The following ZFAT variants were observed in gnomAD, a reference collection of about 807,000 sequenced individuals.
The protein encoded by ZFAT is zinc finger protein ZFAT.
A neutral mutation model predicts 117.7 loss-of-function variants in ZFAT; 64 were observed. That is an observed-to-expected ratio of 0.54 (90% CI 0.44 to 0.67). ZFAT has a LOEUF of 0.67. ZFAT is among the 30% of genes least tolerant of loss of function. ZFAT has a pLI of 0.00. For missense variants in ZFAT, 1,433 were observed against 1,584.5 expected (o/e 0.90, Z 1.62); for synonymous variants, 679 against 615.0 (o/e 1.10, Z -1.54).
the ZFAT span, among the ~76,000 whole-genome samples, chr8:134,769,472 C>G: frequency 1.3e-5 from 2 of 152,338 alleles, no homozygotes; most frequent in East Asian, 3.9e-4. Context: ...AGGTGGGTTT[C>G]CATGGTCTTG....
intron 11 of ZFAT, among the ~76,000 whole-genome samples, chr8:134,546,386 G>A (rs1202813390): frequency 1.3e-5 from 2 of 152,082 alleles, no homozygotes; most frequent in Non-Finnish European, 2.9e-5. Context: ...GGAAGATGAA[G>A]TTTTTTTCAT....
upstream of ZFAT, among the ~76,000 whole-genome samples, chr8:134,714,068 ATCAG>A (rs1814150451): frequency 4.0e-5 from 6 of 151,770 alleles, no homozygotes; most frequent in South Asian, 1.3e-3. Context: ...ATTTTCAAAA[ATCAG>A]TCAACTTAAA....
At chr8:134,713,547 AGCGGCCTACG>A (rs1563781963), upstream of ZFAT, among the ~76,000 whole-genome samples, 2 of 151,942 alleles carry the variant, frequency 1.3e-5, no homozygotes, top group Non-Finnish European at 2.9e-5. Context: ...CAGAGCACTG[AGCGGCCTACG>A]ATCACACGTG....
At chr8:134,739,668 C>T in the ZFAT span, among the ~76,000 whole-genome samples, 3 of 152,100 alleles carry the variant, frequency 2.0e-5, no homozygotes, top group African/African-American at 7.2e-5. Flanking sequence ...GTCCTAGACT[C>T]TAGGAAGAGA....
intron 10 of ZFAT, among the ~76,000 whole-genome samples, chr8:134,579,772 G>A (rs761880275): frequency 3.4e-5 from 5 of 148,580 alleles, no homozygotes; most frequent in South Asian, 2.1e-4. Context: ...CCAACATGGC[G>A]AAACCCCATC....
chr8:134,719,079 G>A, the ZFAT span, among the ~76,000 whole-genome samples: 2 of 152,194 alleles, frequency 1.3e-5, no homozygotes, highest in East Asian at 1.9e-4. Flanking sequence ...GAAAGAAACC[G>A]GCTAGAGCAG....
At chr8:134,556,069 AAGGAAGGG>A (rs1823592890) in intron 11 of ZFAT, among the ~76,000 whole-genome samples, 2 of 112,812 alleles carry the variant, frequency 1.8e-5, no homozygotes, top group Non-Finnish European at 3.5e-5. Flanking sequence ...GGAAGGAAGG[AAGGAAGGG>A]AAGGAAGGGA....
intron 1 of ZFAT, among the ~76,000 whole-genome samples, chr8:134,663,280 A>C (rs1258215957): frequency 2.0e-5 from 3 of 152,174 alleles, no homozygotes; most frequent in Non-Finnish European, 4.4e-5. Context: ...TTCAAAGAAC[A>C]CTGAATGGCA....
chr8:134,553,529 A>G (rs1483688054), intron 11 of ZFAT, among the ~76,000 whole-genome samples: 1 of 152,186 alleles, frequency 6.6e-6, no homozygotes, highest in African/African-American at 2.4e-5. Flanking sequence ...GGTCAGGTAC[A>G]TCATGAAAGA....
intron 10 of ZFAT, among the ~76,000 whole-genome samples, chr8:134,572,419 C>G (rs990428289): frequency 3.3e-5 from 5 of 152,186 alleles, no homozygotes; most frequent in African/African-American, 1.2e-4. Flanking sequence ...TCCGCTACTG[C>G]ACACAAACCA....
chr8:134,563,137 C>A (rs147846523), intron 11 of ZFAT, among the ~76,000 whole-genome samples: 2 of 152,298 alleles, frequency 1.3e-5, no homozygotes, highest in Non-Finnish European at 1.5e-5. Flanking sequence ...ATTTTAAATA[C>A]GTACACAAAT....
chr8:134,614,860 A>G (rs1012484724), intron 3 of ZFAT, among the ~76,000 whole-genome samples: 8 of 152,200 alleles, frequency 5.3e-5, no homozygotes, highest in African/African-American at 1.9e-4. Flanking sequence ...ACCACATGGG[A>G]AGTCAGACCA....
At chr8:134,825,858 A>G in the ZFAT span, among the ~76,000 whole-genome samples, 1 of 152,074 alleles carries the variant, frequency 6.6e-6, no homozygotes, top group Non-Finnish European at 1.5e-5. Context: ...TTCTCTACTA[A>G]AAATACAAAA....
intron 1 of ZFAT, among the ~76,000 whole-genome samples, chr8:134,676,720 A>G (rs1331920076): frequency 6.6e-6 from 1 of 152,230 alleles, no homozygotes; most frequent in Non-Finnish European, 1.5e-5. Flanking sequence ...AGCAAATGCA[A>G]AAGAACGGAA....
At chr8:134,831,418 G>C in the ZFAT span, among the ~76,000 whole-genome samples, 2 of 152,162 alleles carry the variant, frequency 1.3e-5, no homozygotes, top group Non-Finnish European at 2.9e-5. Context: ...CACTGGCATA[G>C]CAACGTGCAC....
chr8:134,480,548 T>C (rs767790644), intron 15 of ZFAT, among the ~76,000 whole-genome samples: 3 of 152,214 alleles, frequency 2.0e-5, no homozygotes, highest in Non-Finnish European at 4.4e-5. Context: ...CCGAGTCTCA[T>C]GTTGCAGGCA....
At chr8:134,498,260 T>C (rs1818657235) in intron 15 of ZFAT, among the ~76,000 whole-genome samples, 2 of 142,008 alleles carry the variant, frequency 1.4e-5, no homozygotes, top group African/African-American at 2.7e-5. Flanking sequence ...TTTGGTAGGG[T>C]TGGGGTGGAG....
At chr8:134,568,187 G>C (rs145303017) in intron 10 of ZFAT, among the ~76,000 whole-genome samples, 178 of 152,330 alleles carry the variant, frequency 1.2e-3, no homozygotes, top group African/African-American at 3.8e-3. Context: ...TACCACAGTT[G>C]TATCTATTAT....
At chr8:134,792,626 G>C in the ZFAT span, 1 of 152,132 alleles carries the variant, frequency 6.6e-6, no homozygotes, top group Non-Finnish European at 1.5e-5. Context: ...AGACATATTT[G>C]AGTGTCTTCT....
Sources: gnomAD v4.1 joint callset for allele counts (sites outside exome capture counted in the v4.1 genomes callset) on GRCh38, gnomAD v4.1.1 for gene constraint, MANE v1.5 for transcripts, NCBI Gene and HGNC (gene_info 2026-07-23, HGNC 2026-07-21) for gene names.